GHR: variants seen among roughly 807,000 people sequenced by gnomAD.
The protein encoded by GHR is GH receptor.
GHR carries 35 observed loss-of-function variants against 67.1 expected under a neutral mutation model. The ratio of observed to expected loss-of-function variants is 0.52; its 90% confidence interval spans 0.40 to 0.69. The LOEUF is 0.69. GHR is among the 30% of genes least tolerant of loss of function. GHR has a pLI of 0.00. For missense variants in GHR, 792 were observed against 764.6 expected (o/e 1.04, Z -0.42); for synonymous variants, 272 against 269.1 (o/e 1.01, Z -0.10).
chr5:42,482,317 A>C (rs984803107), intron 1 of GHR, among the ~76,000 whole-genome samples: 1 of 152,056 alleles, frequency 6.6e-6, no homozygotes, highest in African/African-American at 2.4e-5. Context: ...CAGTTAGGCT[A>C]CTCAGGGGTC....
At chr5:42,501,505 C>T (rs554446193) in intron 1 of GHR, among the ~76,000 whole-genome samples, 2 of 152,262 alleles carry the variant, frequency 1.3e-5, no homozygotes, top group Admixed American at 1.3e-4. Flanking sequence ...CAATCTAAAG[C>T]TTCTTTCTCT....
chr5:42,713,289 T>C (rs895202176), intron 7 of GHR, 140 bp from the exon 8 acceptor site: 19 of 636,284 alleles, frequency 3.0e-5, no homozygotes, highest in Non-Finnish European at 5.1e-5. Flanking sequence ...TTGCATTCTG[T>C]TTCAGTGGTT....
At chr5:42,492,427 G>A (rs751221223) in intron 1 of GHR, among the ~76,000 whole-genome samples, 1 of 152,126 alleles carries the variant, frequency 6.6e-6, no homozygotes, top group African/African-American at 2.4e-5. Context: ...TTCACTGTCA[G>A]TTCTTTCTGT....
intron 1 of GHR, among the ~76,000 whole-genome samples, chr5:42,443,652 G>T (rs1262754081): frequency 1.1e-4 from 16 of 151,564 alleles, no homozygotes; most frequent in Admixed American, 1.1e-3. Flanking sequence ...TAAGAGATTG[G>T]CTCACACAAT....
intron 1 of GHR, among the ~76,000 whole-genome samples, chr5:42,541,972 A>T (rs1262690200): frequency 6.6e-6 from 1 of 152,180 alleles, no homozygotes; most frequent in Non-Finnish European, 1.5e-5. Context: ...TTAAATAGTG[A>T]ACTGGATATA....
At chr5:42,447,859 C>T (rs919722993) in intron 1 of GHR, among the ~76,000 whole-genome samples, 3 of 151,800 alleles carry the variant, frequency 2.0e-5, no homozygotes, top group Non-Finnish European at 4.4e-5. Flanking sequence ...CAACCTCTGC[C>T]TCCCAGGTTC....
intron 1 of GHR, among the ~76,000 whole-genome samples, chr5:42,429,663 AG>A (rs1209740514): frequency 6.6e-6 from 1 of 152,228 alleles, no homozygotes; most frequent in Non-Finnish European, 1.5e-5. Context: ...ATTTATGGAA[AG>A]TATAATACTG....
At chr5:42,707,510 G>T (rs1758235053) in intron 6 of GHR, among the ~76,000 whole-genome samples, 1 of 152,022 alleles carries the variant, frequency 6.6e-6, no homozygotes, top group African/African-American at 2.4e-5. Flanking sequence ...TTGATAATTT[G>T]ATAGGTATTG....
At chr5:42,698,249 A>G (rs1181626229) in intron 5 of GHR, among the ~76,000 whole-genome samples, 2 of 152,190 alleles carry the variant, frequency 1.3e-5, no homozygotes, top group Admixed American at 6.5e-5. Context: ...ATCTCACAGG[A>G]GGTCATTGTT....
chr5:42,464,195 A>C lies in GHR; in HGVS notation c.-12+40240A>C, dbSNP rs186879224. On this transcript the variant is annotated intron_variant, in intron 1 of 9. Coordinates refer to ENST00000230882, the MANE Select transcript of GHR (RefSeq NM_000163.5). ...GCTGCTGACTCAGAGCTCCTCAGCT[A>C]TCTGCAAGTGGATGTGTTTATTGAA... is the stretch of plus-strand genomic sequence containing the variant. 7.9e-5 allele frequency among the ~76,000 whole-genome samples: 12 copies of C among 152,122 alleles called. No homozygotes were observed. The East Asian group carries it at 2.3e-3, about 29-fold the overall frequency.
intron 3 of GHR, among the ~76,000 whole-genome samples, chr5:42,654,575 A>G (rs1433149197): frequency 6.6e-6 from 1 of 152,086 alleles, no homozygotes; most frequent in African/African-American, 2.4e-5. Flanking sequence ...AGAGCCTCTG[A>G]TCTTGTCTTT....
intron 1 of GHR, chr5:42,514,866 GT>G: frequency 6.6e-6 from 1 of 152,342 alleles, no homozygotes; most frequent in Non-Finnish European, 1.5e-5. Context: ...TTCCCTGGCA[GT>G]TTTTGGCATC....
chr5:42,580,958 ATCTTTC>A (rs1340282482), intron 2 of GHR, among the ~76,000 whole-genome samples: 6 of 152,176 alleles, frequency 3.9e-5, no homozygotes, highest in African/African-American at 7.2e-5. Flanking sequence ...ACCTTCATTC[ATCTTTC>A]GTATTCCTTG....
intron 1 of GHR, among the ~76,000 whole-genome samples, chr5:42,534,015 T>A (rs1234103105): frequency 6.6e-6 from 1 of 151,322 alleles, no homozygotes; most frequent in African/African-American, 2.4e-5. Flanking sequence ...TTCCTTTCTA[T>A]GGTTGAGTAG....
At chr5:42,587,344 G>A (rs188315590) in intron 2 of GHR, among the ~76,000 whole-genome samples, 6 of 152,310 alleles carry the variant, frequency 3.9e-5, no homozygotes, top group African/African-American at 1.4e-4. Flanking sequence ...GGATAGATGG[G>A]CTAAAAGACA....
At chr5:42,625,176 A>G (rs1048268037) in intron 2 of GHR, among the ~76,000 whole-genome samples, 1 of 152,180 alleles carries the variant, frequency 6.6e-6, no homozygotes, top group Admixed American at 6.5e-5. Context: ...AATTGGACTC[A>G]CCAGGCTCTG....
Position 42,631,107 on chromosome 5 carries a change from G to A in GHR, c.136+2004G>A, listed in dbSNP as rs570403937. ...GTCTTGAGAAAGTGTGCCCAAGGCC[G>A]TCAGATTCAGTTTGGTTCTGTATGT... On this transcript the variant is annotated intron_variant, in intron 3 of 9. Transcript: ENST00000230882. Among the ~76,000 whole-genome samples the A allele has an allele frequency of 1.2e-4, 18 of 152,098 alleles. No individual in the cohort carries two copies. The East Asian group carries it at 1.9e-3, about 16-fold the overall frequency.
chr5:42,611,515 C>T (rs1752889344), intron 2 of GHR, among the ~76,000 whole-genome samples: 1 of 152,144 alleles, frequency 6.6e-6, no homozygotes. Context: ...TTCCCATGGG[C>T]CAAGCCCTGT....
Position 42,655,718 on chromosome 5 carries a change from TAGACACTGTCTACCGAAATG to T in GHR, c.136+26627_136+26646del, listed in dbSNP as rs372061054. Among the ~76,000 whole-genome samples, 923 of 152,100 alleles carry T rather than the reference TAGACACTGTCTACCGAAATG, an allele frequency of 6.1e-3. 5 individuals carry two copies. Among genetic ancestry groups the T allele is most frequent in the African/African-American group, 0.021 (879 of 41,514 alleles). ...ATATAAAATATAAAATTGGCATTAG[TAGACACTGTCTACCGAAATG>T]AGACACTGTCTCATTTCTGAAAAAA... On this transcript the variant is annotated intron_variant, in intron 3 of 9. Transcript: ENST00000230882.
Sources: allele counts gnomAD v4.1 joint callset (sites outside exome capture counted in the v4.1 genomes callset), GRCh38; gene constraint gnomAD v4.1.1; transcripts MANE v1.5; gene names NCBI Gene and HGNC (gene_info 2026-07-23, HGNC 2026-07-21).